Variants in IQCM observed in about 807,000 individuals in gnomAD.
IQCM encodes IQ domain-containing protein M.
In IQCM, 45 loss-of-function variants were observed where a neutral mutation model predicts 57.6. The ratio of observed to expected loss-of-function variants is 0.78; its 90% CI spans 0.62 to 1.00. IQCM has a LOEUF of 1.00. IQCM is among the 50% of genes least tolerant of loss of function. IQCM has a pLI of 0.00. For synonymous variants in IQCM, 148 were observed against 158.9 expected, an observed-to-expected ratio of 0.93 and a Z score of 0.51; for missense variants, 468 against 511.6, an observed-to-expected ratio of 0.91 and a Z score of 0.82.
At chr4:149,723,950 A>T (rs1285472601) in intron 5 of IQCM, among the ~76,000 whole-genome samples, 5 of 149,890 alleles carry the variant, frequency 3.3e-5, no homozygotes, top group East Asian at 3.9e-4. Flanking sequence ...GATTTTTTTT[A>T]AATTACTGAT....
chr4:149,362,606 C>T (rs867137080), intron 13 of IQCM, among the ~76,000 whole-genome samples: 4 of 152,098 alleles, frequency 2.6e-5, no homozygotes, highest in Non-Finnish European at 5.9e-5. Context: ...TGCCTTTCAC[C>T]TCCCACCGTG....
chr4:149,678,176 G>T (rs980394203), intron 7 of IQCM, among the ~76,000 whole-genome samples: 2 of 151,666 alleles, frequency 1.3e-5, no homozygotes, highest in East Asian at 3.9e-4. Flanking sequence ...GGTAAGGGAA[G>T]GTCCGAGAAC....
chr4:149,402,012 T>A (rs958895279), intron 13 of IQCM, among the ~76,000 whole-genome samples: 3 of 151,884 alleles, frequency 2.0e-5, no homozygotes, highest in African/African-American at 7.2e-5. Flanking sequence ...ATATAAGTTG[T>A]AATTTTTCAT....
At chr4:149,399,745 T>G (rs1284982217) in intron 13 of IQCM, among the ~76,000 whole-genome samples, 1 of 152,068 alleles carries the variant, frequency 6.6e-6, no homozygotes, top group Non-Finnish European at 1.5e-5. Flanking sequence ...TTACCCTGTG[T>G]CTCAGTTTCC....
intron 7 of IQCM, among the ~76,000 whole-genome samples, chr4:149,679,098 C>A (rs1761985969): frequency 1.3e-5 from 2 of 151,660 alleles, no homozygotes; most frequent in African/African-American, 2.4e-5. Context: ...TATTGTAGCA[C>A]TATTCACAAC....
At chr4:149,703,425 A>G (rs1177423602) in intron 5 of IQCM, among the ~76,000 whole-genome samples, 1 of 151,956 alleles carries the variant, frequency 6.6e-6, no homozygotes, top group Non-Finnish European at 1.5e-5. Context: ...GGAAGAATGG[A>G]TAAAAAATAC....
At chr4:149,673,201 GA>G (rs1305123243) in intron 7 of IQCM, among the ~76,000 whole-genome samples, 2 of 152,124 alleles carry the variant, frequency 1.3e-5, no homozygotes, top group Non-Finnish European at 2.9e-5. Context: ...TCGATGCTAG[GA>G]AGAAAGTGTA....
intron 12 of IQCM, among the ~76,000 whole-genome samples, chr4:149,451,867 G>C (rs1163028982): frequency 6.6e-6 from 1 of 151,574 alleles, no homozygotes; most frequent in East Asian, 1.9e-4. Context: ...ATTCCACCTA[G>C]TGCCATAAGG....
chr4:149,804,003 A>T (rs974874760), intron 2 of IQCM, among the ~76,000 whole-genome samples: 3 of 151,622 alleles, frequency 2.0e-5, no homozygotes, highest in African/African-American at 7.2e-5. Context: ...CTTAGGTGAT[A>T]CAAGATGGCT....
chr4:149,713,869 C>T (rs1764769214), intron 5 of IQCM, among the ~76,000 whole-genome samples: 1 of 152,120 alleles, frequency 6.6e-6, no homozygotes, highest in Non-Finnish European at 1.5e-5. Context: ...TTTTCCCTCT[C>T]CTCCTAATTG....
intron 13 of IQCM, among the ~76,000 whole-genome samples, chr4:149,358,849 T>TATCATGATATACTCTCATGAGTAA: frequency 6.6e-6 from 1 of 151,446 alleles, no homozygotes; most frequent in Admixed American, 6.6e-5. Context: ...GTGGACAGTA[T>TATCATGATATACTCTCATGAGTAA]ATCATGATAT....
intron 2 of IQCM, among the ~76,000 whole-genome samples, chr4:149,785,069 GA>G (rs2150017385): frequency 6.6e-6 from 1 of 152,296 alleles, no homozygotes; most frequent in African/African-American, 2.4e-5. Context: ...GTAACAGATG[GA>G]ACAGAAAATG....
At chr4:149,603,149 A>T (rs1294931023) in intron 8 of IQCM, among the ~76,000 whole-genome samples, 1 of 152,144 alleles carries the variant, frequency 6.6e-6, no homozygotes, top group Non-Finnish European at 1.5e-5. Flanking sequence ...TAGAAAGGTT[A>T]ATTTGAAAAA....
intron 3 of IQCM, among the ~76,000 whole-genome samples, chr4:149,735,949 T>TC: frequency 6.8e-6 from 1 of 147,470 alleles, no homozygotes; most frequent in East Asian, 2.0e-4. Flanking sequence ...TCTTTCGACT[T>TC]TTTTTTTTTT....
At chr4:149,565,112 A>G (rs1750489769) in intron 9 of IQCM, among the ~76,000 whole-genome samples, 1 of 152,180 alleles carries the variant, frequency 6.6e-6, no homozygotes, top group Admixed American at 6.5e-5. Flanking sequence ...TCACAAATGG[A>G]GTTCCACTGA....
chr4:149,356,673 T>G (rs1489699740), intron 13 of IQCM, among the ~76,000 whole-genome samples: 3 of 152,218 alleles, frequency 2.0e-5, no homozygotes, highest in African/African-American at 7.2e-5. Context: ...TGAAGTCAGG[T>G]AGCATGATGC....
chr4:149,384,650 T>C (rs1411250535), intron 13 of IQCM, among the ~76,000 whole-genome samples: 1 of 152,102 alleles, frequency 6.6e-6, no homozygotes, highest in Non-Finnish European at 1.5e-5. Flanking sequence ...TCTAACTACC[T>C]CTTAGGGATT....
intron 2 of IQCM, among the ~76,000 whole-genome samples, chr4:149,769,469 A>G (rs1209314479): frequency 6.6e-6 from 1 of 151,974 alleles, no homozygotes; most frequent in African/African-American, 2.4e-5. Context: ...GCGAAGATAC[A>G]GTCCAAGTCC....
At chr4:149,726,107 GA>G (rs1178918313) in intron 5 of IQCM, among the ~76,000 whole-genome samples, 1 of 146,036 alleles carries the variant, frequency 6.8e-6, no homozygotes, top group Admixed American at 6.8e-5. Flanking sequence ...AAGAAAGAAA[GA>G]AAGAAAGAAA....
Sources: gnomAD v4.1 joint callset for allele counts (sites outside exome capture counted in the v4.1 genomes callset) on GRCh38, gnomAD v4.1.1 for gene constraint, MANE v1.5 for transcripts, NCBI Gene and HGNC (gene_info 2026-07-23, HGNC 2026-07-21) for gene names.